Variants in TMEM182 observed in about 807,000 individuals in gnomAD.
The protein encoded by TMEM182 is transmembrane protein 182.
A neutral mutation model predicts 26.8 loss-of-function variants in TMEM182; 20 were observed. The observed-to-expected ratio is 0.75, with a 90% CI of 0.53 to 1.09. TMEM182 has a LOEUF of 1.09. Among genes scored for constraint, TMEM182 ranks in the 50% least tolerant of loss-of-function variants. TMEM182 has a pLI of 0.00. For synonymous variants in TMEM182, 109 were observed against 102.2 expected, an observed-to-expected ratio of 1.07 and a Z score of -0.40; for missense variants, 277 against 275.5, an observed-to-expected ratio of 1.01 and a Z score of -0.04.
chr2:102,814,027 C>A (rs996642800), intron 4 of TMEM182, among the ~76,000 whole-genome samples: 47 of 151,584 alleles, frequency 3.1e-4, no homozygotes, highest in African/African-American at 1.1e-3. Flanking sequence ...TATCATCAAT[C>A]TTCCTCCCTC....
At chr2:102,777,296 A>G (rs1367986949) in intron 3 of TMEM182, among the ~76,000 whole-genome samples, 2 of 151,932 alleles carry the variant, frequency 1.3e-5, no homozygotes, top group African/African-American at 4.8e-5. Context: ...TAGATCTATG[A>G]TTTATTTTGA....
intron 1 of TMEM182, among the ~76,000 whole-genome samples, chr2:102,756,011 AAGGAACTAATGAAG>A (rs1432488803): frequency 6.6e-6 from 1 of 152,186 alleles, no homozygotes; most frequent in African/African-American, 2.4e-5. Context: ...ATATTTATTG[AAGGAACTAATGAAG>A]AGGTCATCAG....
chr2:102,773,651 G>A (rs898944610), intron 3 of TMEM182, among the ~76,000 whole-genome samples: 3 of 130,254 alleles, frequency 2.3e-5, no homozygotes, highest in Non-Finnish European at 5.3e-5. Context: ...TGAATGAGAT[G>A]AGAGGGGGAA....
chr2:102,764,181 C>T (rs1680330603), intron 2 of TMEM182, 148 bp from the exon 3 acceptor site: 2 of 714,236 alleles, frequency 2.8e-6, no homozygotes, highest in Non-Finnish European at 2.4e-6. Flanking sequence ...AGGCCTTCCT[C>T]CTCACAACAA....
intron 3 of TMEM182, among the ~76,000 whole-genome samples, chr2:102,843,142 C>G (rs1421264864): frequency 2.6e-5 from 4 of 152,186 alleles, no homozygotes; most frequent in Non-Finnish European, 4.4e-5. Context: ...GTTTGTGCGT[C>G]CTGAGCCTTG....
intron 3 of TMEM182, among the ~76,000 whole-genome samples, chr2:102,841,483 T>C (rs1351182375): frequency 6.6e-6 from 1 of 152,154 alleles, no homozygotes; most frequent in Admixed American, 6.5e-5. Context: ...AGAACTGTGC[T>C]TTGGCAAGCC....
intron 1 of TMEM182, among the ~76,000 whole-genome samples, chr2:102,750,726 A>C (rs1256223129): frequency 1.3e-5 from 2 of 152,212 alleles, no homozygotes; most frequent in African/African-American, 2.4e-5. Flanking sequence ...ACCTGTTTGG[A>C]AACAGTGGTT....
Position 102,816,444 on chromosome 2 carries a change from T to C in TMEM182, c.*1476T>C. On this transcript the variant is annotated 3_prime_UTR_variant, in exon 5 of 5. Coordinates refer to ENST00000412401, the MANE Select transcript of TMEM182 (RefSeq NM_144632.5). ...GCTTTTCCATTAAGACTTGTTCCAG[T>C]GGGAAGGAGCTTTGGAAAAATTGCA... is the stretch of plus-strand genomic sequence containing the variant. 1 of 984,910 alleles carries C rather than the reference T, an allele frequency of 1.0e-6. No homozygotes were observed. 61.0% of individuals were successfully genotyped at this position (984,910 alleles called of 1,614,324 possible).
chr2:102,761,108 A>T (rs954737968), upstream of TMEM182, among the ~76,000 whole-genome samples: 2 of 152,234 alleles, frequency 1.3e-5, no homozygotes, highest in Non-Finnish European at 2.9e-5. Context: ...TAAAAACAAT[A>T]ACCAAAGGAA....
At chr2:102,805,752 T>C (rs766009792) in intron 4 of TMEM182, among the ~76,000 whole-genome samples, 1 of 152,092 alleles carries the variant, frequency 6.6e-6, no homozygotes, top group Non-Finnish European at 1.5e-5. Flanking sequence ...AGTGAGAAGA[T>C]TATTTCTCTG....
intron 3 of TMEM182, among the ~76,000 whole-genome samples, chr2:102,770,489 C>G (rs1432461181): frequency 3.3e-5 from 5 of 152,184 alleles, no homozygotes; most frequent in African/African-American, 1.2e-4. Context: ...CCTCTTTACC[C>G]TGCAATGCAC....
chr2:102,804,389 T>C (rs939352605), intron 4 of TMEM182, among the ~76,000 whole-genome samples: 1 of 152,162 alleles, frequency 6.6e-6, no homozygotes, highest in Admixed American at 6.5e-5. Flanking sequence ...AGCTTGCATA[T>C]ATTAGTGAAA....
chr2:102,770,803 C>T (rs1363972525), intron 3 of TMEM182, among the ~76,000 whole-genome samples: 9 of 152,182 alleles, frequency 5.9e-5, no homozygotes, highest in African/African-American at 2.4e-5. Flanking sequence ...AAAACAGCCA[C>T]ATCCACACAC....
rs556326737 is a variant in TMEM182 at position 102,774,315 on chromosome 2, G to A, written c.331+9888G>A. Among the ~76,000 whole-genome samples, 148 of 137,748 alleles carry A rather than the reference G, an allele frequency of 1.1e-3. 1 individual carries two copies. Among genetic ancestry groups the A allele is most frequent in the African/African-American group, 3.5e-3 (129 of 36,670 alleles). 90.4% of individuals were successfully genotyped at this position (137,748 alleles called of 152,430 possible). ...CTGTAGCCCAGGATGGAGTGCAATG[G>A]TGCTATCTCAGCTTACTGCAACCTC... On this transcript the variant is annotated intron_variant, in intron 3 of 4. Transcript: ENST00000412401.
At chr2:102,755,437 C>G (rs1680004027) in intron 1 of TMEM182, among the ~76,000 whole-genome samples, 1 of 152,142 alleles carries the variant, frequency 6.6e-6, no homozygotes, top group Admixed American at 6.5e-5. Context: ...TATTTAGCCT[C>G]CGATCTTACC....
chr2:102,824,217 C>T (rs2104769673), intron 3 of TMEM182, among the ~76,000 whole-genome samples: 2 of 152,292 alleles, frequency 1.3e-5, no homozygotes, highest in Non-Finnish European at 2.9e-5. Flanking sequence ...ATATCTTATG[C>T]TGATAGATAC....
At chr2:102,737,599 T>G (rs1244685950) in intron 1 of TMEM182, among the ~76,000 whole-genome samples, 1 of 152,108 alleles carries the variant, frequency 6.6e-6, no homozygotes, top group East Asian at 1.9e-4. Context: ...AAAGAAGATA[T>G]GTGTGGCTGA....
intron 1 of TMEM182, among the ~76,000 whole-genome samples, chr2:102,738,390 C>T (rs1247339467): frequency 6.6e-6 from 1 of 152,088 alleles, no homozygotes; most frequent in East Asian, 1.9e-4. Context: ...GTCAAGAGAT[C>T]GAGACTATCC....
At chr2:102,760,887 G>A (rs765186449), upstream of TMEM182, among the ~76,000 whole-genome samples, 24 of 152,004 alleles carry the variant, frequency 1.6e-4, no homozygotes, top group South Asian at 2.3e-3. Context: ...GTGAGCCACC[G>A]CGCCTGGCCT....
Sources: gnomAD v4.1 joint callset for allele counts (sites outside exome capture counted in the v4.1 genomes callset) on GRCh38, gnomAD v4.1.1 for gene constraint, MANE v1.5 for transcripts, NCBI Gene and HGNC (gene_info 2026-07-23, HGNC 2026-07-21) for gene names.